The following TBL1XR1 variants were observed in gnomAD, a reference collection of about 807,000 sequenced individuals.
TBL1XR1 encodes TBL1X/Y related 1.
A neutral mutation model predicts 66.9 loss-of-function variants in TBL1XR1; 5 were observed. That is an observed-to-expected ratio of 0.07 (90% CI 0.04 to 0.16). The LOEUF (loss-of-function observed/expected upper bound fraction) is 0.16, where lower values mean the gene tolerates loss of function less well. TBL1XR1 is among the 10% of genes least tolerant of loss of function. The pLI is 1.00. For synonymous variants in TBL1XR1, 210 were observed against 206.0 expected (o/e 1.02, Z -0.17); for missense variants, 238 against 623.2 (o/e 0.38, Z 6.58).
intron 1 of TBL1XR1, among the ~76,000 whole-genome samples, chr3:177,156,054 C>G (rs1341752905): frequency 6.8e-6 from 1 of 147,364 alleles, no homozygotes; most frequent in Non-Finnish European, 1.5e-5. Context: ...AGCTAACACT[C>G]TAAAACTTCT....
In TBL1XR1 at chr3:177,098,454, G is replaced by A. The variant is rs116531888; in HGVS notation, c.-46+12C>T. 2,728 of 983,690 alleles carry A rather than the reference G, an allele frequency of 2.8e-3. 55 individuals are homozygous for A. The African/African-American group carries it at 0.045, about 16-fold the overall frequency. 60.9% of individuals were successfully genotyped at this position (983,690 alleles called of 1,614,324 possible). A position where few individuals can be genotyped will look rare whatever the true frequency, so the allele number is the denominator to read the frequency against. On this transcript the variant is annotated intron_variant, in intron 2 of 15. Coordinates refer to ENST00000457928, the MANE Select transcript of TBL1XR1 (RefSeq NM_024665.7). ...ATAAGAAACACTGACATTGGGAGTTGGAGAGTCTTACCATTGGCAGTGCAT... is the reference window on the plus strand; with the variant it reads ...ATAAGAAACACTGACATTGGGAGTTAGAGAGTCTTACCATTGGCAGTGCAT...
At chr3:177,091,650 A>T (rs899866930) in intron 2 of TBL1XR1, among the ~76,000 whole-genome samples, 2 of 152,194 alleles carry the variant, frequency 1.3e-5, no homozygotes, top group African/African-American at 4.8e-5. Flanking sequence ...TACAAACTAC[A>T]GTCAATAAAA....
chr3:177,111,793 A>C (rs187822157), intron 1 of TBL1XR1, among the ~76,000 whole-genome samples: 8 of 152,050 alleles, frequency 5.3e-5, no homozygotes, highest in African/African-American at 1.9e-4. Flanking sequence ...GTCAGAGCTA[A>C]ACATTAAACC....
intron 1 of TBL1XR1, among the ~76,000 whole-genome samples, chr3:177,145,355 A>G (rs568066183): frequency 2.0e-5 from 3 of 152,284 alleles, no homozygotes; most frequent in South Asian, 2.1e-4. Flanking sequence ...CAGTGACTGT[A>G]TATCTGGCTC....
chr3:177,068,444 G>T (rs1261555019), intron 2 of TBL1XR1, among the ~76,000 whole-genome samples: 1 of 152,104 alleles, frequency 6.6e-6, no homozygotes, highest in Non-Finnish European at 1.5e-5. Flanking sequence ...GCTTAATATT[G>T]TAAATGTTCA....
intron 10 of TBL1XR1, among the ~76,000 whole-genome samples, chr3:177,041,689 C>T (rs938492101): frequency 6.6e-6 from 1 of 152,172 alleles, no homozygotes; most frequent in Non-Finnish European, 1.5e-5. Flanking sequence ...AACTCTCATT[C>T]GTTCCTTACT....
chr3:177,097,684 T>C (rs1723671115), intron 2 of TBL1XR1, among the ~76,000 whole-genome samples: 1 of 152,188 alleles, frequency 6.6e-6, no homozygotes. Flanking sequence ...ATCCTAGCCA[T>C]TTAAATGCAC....
chr3:177,056,763 GT>G (rs1394771908), intron 3 of TBL1XR1, among the ~76,000 whole-genome samples: 3 of 3,384 alleles, frequency 8.9e-4, no homozygotes, highest in East Asian at 0.2. Flanking sequence ...TTCTCTCTCG[GT>G]CCCTTGGCAT....
intron 3 of TBL1XR1, among the ~76,000 whole-genome samples, chr3:177,057,600 C>A (rs906786709): frequency 2.0e-5 from 3 of 152,148 alleles, no homozygotes; most frequent in Non-Finnish European, 4.4e-5. Flanking sequence ...GTGCCAGAAG[C>A]TATTTCCATT....
intron 1 of TBL1XR1, among the ~76,000 whole-genome samples, chr3:177,133,161 T>C (rs554437211): frequency 6.6e-6 from 1 of 151,658 alleles, no homozygotes; most frequent in Non-Finnish European, 1.5e-5. Flanking sequence ...GTGGCGCACA[T>C]CTGTAATCCC....
chr3:177,053,755 GA>G lies in TBL1XR1; in HGVS notation c.204+17del. 1 of 1,605,514 alleles carries G rather than the reference GA, an allele frequency of 6.2e-7. No individual in the cohort carries two copies. Among genetic ancestry groups the G allele is most frequent in the East Asian group, 2.2e-5 (1 of 44,752 alleles). ...TTTAAGATGAAAAAAATCAGTATTT[GA>G]AATAAGTCTTCCTTACCTCATTAAT... On this transcript the variant is annotated intron_variant, in intron 4 of 15. Transcript: ENST00000457928.
intron 3 of TBL1XR1, among the ~76,000 whole-genome samples, chr3:177,058,405 GCCC>G (rs1718079769): frequency 6.6e-6 from 1 of 152,072 alleles, no homozygotes; most frequent in Non-Finnish European, 1.5e-5. Flanking sequence ...AAAATTTCGT[GCCC>G]TAATTTTGCC....
rs374510003 is a variant in TBL1XR1, at chr3:177,082,738, TTATATATATATA to T, written c.-46+15716_-46+15727del. Among the ~76,000 whole-genome samples, 296 of 63,246 alleles carry T rather than the reference TTATATATATATA, an allele frequency of 4.7e-3. 15 individuals are homozygous for T. Among genetic ancestry groups the T allele is most frequent in the African/African-American group, 0.018 (280 of 15,760 alleles). 41.5% of individuals were successfully genotyped at this position (63,246 alleles called of 152,430 possible). On this transcript the variant is annotated intron_variant, in intron 2 of 15. Transcript: ENST00000457928. ...TATTACTAAATTTCTAAGATAGAGA[TTATATATATATA>T]TATATATATATATATATGAATATGA...
chr3:177,184,591 CAGG>C (rs937344953), intron 1 of TBL1XR1, among the ~76,000 whole-genome samples: 3 of 152,152 alleles, frequency 2.0e-5, no homozygotes, highest in African/African-American at 7.2e-5. Context: ...CACCTTAGGT[CAGG>C]AGTTCAAGAC....
chr3:177,101,631 A>G (rs533815525), intron 1 of TBL1XR1, among the ~76,000 whole-genome samples: 1 of 152,320 alleles, frequency 6.6e-6, no homozygotes, highest in East Asian at 1.9e-4. Flanking sequence ...TAAAGCAGTA[A>G]GAAGGCCCTT....
chr3:177,196,839 T>G (rs1577467863), intron 1 of TBL1XR1, among the ~76,000 whole-genome samples: 1 of 147,376 alleles, frequency 6.8e-6, no homozygotes, highest in East Asian at 2.0e-4. Context: ...ATAATTAGGG[T>G]GAGGATCCCC....
intron 1 of TBL1XR1, among the ~76,000 whole-genome samples, chr3:177,114,233 A>G (rs995826305): frequency 1.3e-5 from 2 of 151,532 alleles, no homozygotes; most frequent in Non-Finnish European, 2.9e-5. Context: ...ATACATACAC[A>G]TCATATATAT....
chr3:177,121,286 C>T (rs899646146), intron 1 of TBL1XR1, among the ~76,000 whole-genome samples: 6 of 152,116 alleles, frequency 3.9e-5, no homozygotes, highest in Admixed American at 1.3e-4. Flanking sequence ...AATGTGACAA[C>T]TAAATTCAAC....
chr3:177,048,669 T>C (rs1716638863), intron 7 of TBL1XR1, among the ~76,000 whole-genome samples: 1 of 152,204 alleles, frequency 6.6e-6, no homozygotes, highest in African/African-American at 2.4e-5. Flanking sequence ...ACTGCTCAAC[T>C]AGGAAAATAC....
Sources: allele counts gnomAD v4.1 joint callset (sites outside exome capture counted in the v4.1 genomes callset), GRCh38; gene constraint gnomAD v4.1.1; transcripts MANE v1.5; gene names NCBI Gene and HGNC (gene_info 2026-07-23, HGNC 2026-07-21).